The following WNT4 variants were observed in gnomAD, a reference collection of about 807,000 sequenced individuals.
WNT4 encodes the protein protein Wnt-4.
WNT4 carries 16 observed loss-of-function variants against 34.5 expected under a neutral mutation model. The observed-to-expected ratio is 0.46, with a 90% CI of 0.31 to 0.70. WNT4 has a LOEUF of 0.70. Among genes scored for constraint, WNT4 ranks in the 30% least tolerant of loss-of-function variants. The probability of loss-of-function intolerance (pLI) is 0.04; values close to 1 mark genes in which losing one functional copy is unlikely to be tolerated. For synonymous variants in WNT4, 200 were observed against 211.9 expected, an observed-to-expected ratio of 0.94 and a Z score of 0.49; for missense variants, 379 against 495.9, an observed-to-expected ratio of 0.76 and a Z score of 2.24.
In WNT4 at chr1:22,137,294, A is replaced by T. The variant is rs1163922860; in HGVS notation, c.77+5552T>A. Among the ~76,000 whole-genome samples, 2 of 152,170 alleles carry T rather than the reference A, an allele frequency of 1.3e-5. No homozygotes were observed. The highest frequency in any genetic ancestry group is 2.9e-5 in the Non-Finnish European group (2 of 68,020). ...AGCGAGCCGTCCCGAGTTTGGCTGA[A>T]TCACAGAAGATGCAGTTCAGGACTC... On this transcript the variant is annotated intron_variant, in intron 1 of 4. Coordinates refer to ENST00000290167, the MANE Select transcript of WNT4 (RefSeq NM_030761.5). The surrounding 1 kb of genome is among the most constrained non-coding windows in gnomAD (Gnocchi z 5.3).
rs773957208 is a variant in WNT4 at position 22,121,260 on chromosome 1, G to A, written c.539C>T (p.Ser180Leu). 10 of 1,614,002 alleles carry A rather than the reference G, an allele frequency of 6.2e-6. No homozygotes were observed. Among genetic ancestry groups the A allele is most frequent in the South Asian group, 3.3e-5 (3 of 91,084 alleles). ...GAGGTTCATGAGGGCTCTGCTGGAC[G>A]AGGCCCCCTTGCTTCTCTCCCGCAC... ...VDVRERSKGA[S>L]SSRALMNLHN... Residue 180 changes from serine (S) to leucine (L), a missense_variant, in exon 4 of 5, where the codon TCG becomes TTG. Coordinates refer to ENST00000290167, the MANE Select transcript of WNT4 (RefSeq NM_030761.5).
At chr1:22,133,975 A>AC (rs1185499716) in intron 1 of WNT4, among the ~76,000 whole-genome samples, 1 of 152,254 alleles carries the variant, frequency 6.6e-6, no homozygotes, top group East Asian at 1.9e-4. Flanking sequence ...TTTTAAAAAA[A>AC]ATATACAAAT....
intron 2 of WNT4, among the ~76,000 whole-genome samples, chr1:22,122,511 C>T (rs766775732): frequency 4.6e-5 from 7 of 152,140 alleles, no homozygotes; most frequent in African/African-American, 7.2e-5. Context: ...TGTGGACTCT[C>T]TTTCTGGAGG....
rs1646009044 is a variant in WNT4 at position 22,134,745 on chromosome 1, A to G, written c.78-4894T>C. 6.6e-6 allele frequency among the ~76,000 whole-genome samples: 1 copy of G among 152,138 alleles called. No homozygotes were observed. Among genetic ancestry groups the G allele is most frequent in the Non-Finnish European group, 1.5e-5 (1 of 68,014 alleles). ...CAGCACCTTCAAGATGCTCACTGTC[A>G]TCGGTGCCGTCACCACCCCTCCCAC... On this transcript the variant is annotated intron_variant, in intron 1 of 4. Coordinates refer to ENST00000290167, the MANE Select transcript of WNT4 (RefSeq NM_030761.5). This position sits in a 1 kb window ranked among gnomAD's most constrained non-coding sequence, Gnocchi z 4.1.
Position 22,119,531 on chromosome 1 carries a change from C to T in WNT4, c.*519G>A, listed in dbSNP as rs569795483. The T allele has an allele frequency of 3.9e-5, 7 of 179,042 alleles. No homozygotes were observed. The East Asian group carries it at 9.8e-4, about 25-fold the overall frequency. 11.1% of individuals were successfully genotyped at this position (179,042 alleles called of 1,614,324 possible). A position where few individuals can be genotyped will look rare whatever the true frequency, so the allele number is the denominator to read the frequency against. ...CCTTGACCTGGTATCTGCTTGTTCC[C>T]TTTCTCAGGGCATTTGAGAGACATG... On this transcript the variant is annotated 3_prime_UTR_variant, in exon 5 of 5. Transcript: ENST00000290167.
chr1:22,140,252 G>A lies in WNT4; in HGVS notation c.77+2594C>T, dbSNP rs1646055933. The A allele has an allele frequency of 7.1e-6, 7 of 985,450 alleles. No individual in the cohort carries two copies. Among genetic ancestry groups the A allele is most frequent in the Non-Finnish European group, 8.4e-6 (7 of 829,934 alleles). The allele number at this position is 985,450 out of a possible 1,614,324, so 61.0% of individuals were successfully genotyped here. ...TGCCTGCATGGACACCTGCCTCCCC[G>A]AAGCTTTTCCTTCTAGAGGCAGCTT... On this transcript the variant is annotated intron_variant, in intron 1 of 4. Transcript: ENST00000290167. The surrounding 1 kb of genome is among the most constrained non-coding windows in gnomAD (Gnocchi z 5.9).
In WNT4 at chr1:22,129,586, C is replaced by T. The variant is rs1165853264; in HGVS notation, c.313+30G>A. The T allele has an allele frequency of 3.7e-6, 6 of 1,601,268 alleles. No individual in the cohort carries two copies. In the Admixed American group the frequency reaches 6.9e-5, roughly 18 times the overall value. On this transcript the variant is annotated intron_variant, in intron 2 of 4. Transcript: ENST00000290167. ...GGCCCATGCCCTGGCACCGCAGGCT[C>T]CCCTGCAGCCCCGCACGCCCTTCCC... is the stretch of plus-strand genomic sequence containing the variant.
At chr1:22,130,528 G>T (rs921873381) in intron 1 of WNT4, among the ~76,000 whole-genome samples, 1 of 152,276 alleles carries the variant, frequency 6.6e-6, no homozygotes, top group Non-Finnish European at 1.5e-5. Flanking sequence ...GGCTTGCCCA[G>T]CACACTGAGT....
At chr1:22,129,462 C>G (rs1645965638) in intron 2 of WNT4, among the ~76,000 whole-genome samples, 154 bp downstream of exon 2, 2 of 152,238 alleles carry the variant, frequency 1.3e-5, no homozygotes, top group African/African-American at 4.8e-5. Flanking sequence ...GCCCCCAACG[C>G]TCTGCATCCT....
At position 22,134,220 on chromosome 1, in the gene WNT4, G is replaced by C. The variant is rs1240617871; in HGVS notation, c.78-4369C>G. Among the ~76,000 whole-genome samples the C allele has an allele frequency of 6.6e-6, 1 of 152,152 alleles. No homozygotes were observed. On this transcript the variant is annotated intron_variant, in intron 1 of 4. Coordinates refer to ENST00000290167, the MANE Select transcript of WNT4 (RefSeq NM_030761.5). This position sits in a 1 kb window ranked among gnomAD's most constrained non-coding sequence, Gnocchi z 4.1. Reference sequence around the variant, plus strand: ...ATTTAGAGCCTCCTCAGGAGCGGTCGTGCCTGCGATACCAGGGAGGAAGGA... The same window carrying C: ...ATTTAGAGCCTCCTCAGGAGCGGTCCTGCCTGCGATACCAGGGAGGAAGGA...
At chr1:22,138,649 G>A (rs760944792) in intron 1 of WNT4, among the ~76,000 whole-genome samples, 3 of 152,174 alleles carry the variant, frequency 2.0e-5, no homozygotes, top group Admixed American at 6.5e-5. Context: ...CCAGAGCCAC[G>A]GAGGAGCTCT....
chr1:22,129,867 C>G lies in WNT4; in HGVS notation c.78-16G>C. On this transcript the variant is annotated splice_polypyrimidine_tract_variant and intron_variant, in intron 1 of 4. Transcript: ENST00000290167. ...GGCCAGGTACCTGGGGAGAGGGTGACACGTGATGCAGAGCCCACCTCCTCA... is the reference window on the plus strand; with the variant it reads ...GGCCAGGTACCTGGGGAGAGGGTGAGACGTGATGCAGAGCCCACCTCCTCA... 1 of 1,612,860 alleles carries G rather than the reference C, an allele frequency of 6.2e-7. No individual in the cohort carries two copies. Among genetic ancestry groups the G allele is most frequent in the Admixed American group, 1.7e-5 (1 of 60,024 alleles).
In WNT4 at chr1:22,134,820, C is replaced by A. The variant is rs909228579; in HGVS notation, c.78-4969G>T. ...CCCCTCTGCTGCACCCCAGACCAGA[C>A]CCATGCTGACTTCTGCTCATTTGTG... On this transcript the variant is annotated intron_variant, in intron 1 of 4. Coordinates refer to ENST00000290167, the MANE Select transcript of WNT4 (RefSeq NM_030761.5). The surrounding 1 kb of genome is among the most constrained non-coding windows in gnomAD (Gnocchi z 4.1). 6.6e-6 allele frequency among the ~76,000 whole-genome samples: 1 copy of A among 152,198 alleles called. No homozygotes were observed. The highest frequency in any genetic ancestry group is 1.5e-5 in the Non-Finnish European group (1 of 68,032).
intron 1 of WNT4, among the ~76,000 whole-genome samples, chr1:22,131,793 C>T (rs1645985768): frequency 6.6e-6 from 1 of 152,222 alleles, no homozygotes; most frequent in Admixed American, 6.5e-5. Flanking sequence ...CTCCCCACCC[C>T]CTGCATTCCT....
At position 22,140,352 on chromosome 1, in the gene WNT4, C is replaced by T. The variant is rs1646056666; in HGVS notation, c.77+2494G>A. On this transcript the variant is annotated intron_variant, in intron 1 of 4. Transcript: ENST00000290167. The surrounding 1 kb of genome is among the most constrained non-coding windows in gnomAD (Gnocchi z 5.9). ...CCTCTGCGATCCCCAATCTTCTCATCTGTAACGGGATTGAAACGTTGTTGG... is the reference window on the plus strand; with the variant it reads ...CCTCTGCGATCCCCAATCTTCTCATTTGTAACGGGATTGAAACGTTGTTGG... The T allele has an allele frequency of 1.3e-6, 1 of 798,716 alleles. No individual in the cohort carries two copies. The highest frequency in any genetic ancestry group is 1.9e-5 in the African/African-American group (1 of 53,620). The allele number at this position is 798,716 out of a possible 1,614,324, so 49.5% of individuals were successfully genotyped here.
rs575596304 is a variant in WNT4 at position 22,121,019 on chromosome 1, C to G, written c.588+192G>C. ...TATGTATGGAGGGGGCCACTTACCC[C>G]ATTCTGTAACGCCTGCCTGCCTGTC... is the stretch of plus-strand genomic sequence containing the variant. On this transcript the variant is annotated intron_variant, in intron 4 of 4. Transcript: ENST00000290167. 2.0e-5 allele frequency among the ~76,000 whole-genome samples: 3 copies of G among 152,198 alleles called. No homozygotes were observed. The South Asian group carries it at 6.2e-4, about 32-fold the overall frequency.
chr1:22,135,565 G>C (rs1443150580), intron 1 of WNT4, among the ~76,000 whole-genome samples: 5 of 152,162 alleles, frequency 3.3e-5, no homozygotes, highest in Non-Finnish European at 7.3e-5. Context: ...CTGTGTTCAG[G>C]AGTAAGGGGT....
chr1:22,120,742 AAGAG>A (rs752886389), intron 4 of WNT4, among the ~76,000 whole-genome samples: 39 of 152,184 alleles, frequency 2.6e-4, no homozygotes, highest in Non-Finnish European at 2.1e-4. Context: ...GAGTTGAAGA[AAGAG>A]AAGCACTAAG....
At position 22,120,006 on chromosome 1, in the gene WNT4, C is replaced by T. The variant is rs1570084674; in HGVS notation, c.*44G>A. The T allele has an allele frequency of 6.3e-7, 1 of 1,594,534 alleles. No homozygotes were observed. The highest frequency in any genetic ancestry group is 2.0e-4 in the Middle Eastern group (1 of 4,958). On this transcript the variant is annotated 3_prime_UTR_variant, in exon 5 of 5. Coordinates refer to ENST00000290167, the MANE Select transcript of WNT4 (RefSeq NM_030761.5). ...GGAGACTGTTTAAATTATCGGCCTT[C>T]CCTGGGCCACTAGGTGGTTGCCGGC...
Sources: allele counts gnomAD v4.1 joint callset (sites outside exome capture counted in the v4.1 genomes callset), GRCh38; gene constraint gnomAD v4.1.1; non-coding constraint Gnocchi (gnomAD v3.1); transcripts MANE v1.5; gene names NCBI Gene and HGNC (gene_info 2026-07-23, HGNC 2026-07-21).